The following UBXN2B variants were observed in gnomAD, a reference collection of about 807,000 sequenced individuals.
UBXN2B encodes UBX domain-containing protein 2B.
UBXN2B carries 19 observed loss-of-function variants against 37.5 expected under a neutral mutation model. The observed-to-expected ratio is 0.51, with a 90% CI of 0.35 to 0.74. UBXN2B has a LOEUF of 0.74. Among genes scored for constraint, UBXN2B ranks in the 30% least tolerant of loss-of-function variants. UBXN2B has a pLI of 0.01. For synonymous variants in UBXN2B, 145 were observed against 143.8 expected, an observed-to-expected ratio of 1.01 and a Z score of -0.06; for missense variants, 370 against 393.2, an observed-to-expected ratio of 0.94 and a Z score of 0.50.
rs1808708573 is a variant in UBXN2B at position 58,447,479 on chromosome 8, G to A, written c.924G>A (p.Glu308=). 2.5e-6 allele frequency: 4 copies of A among 1,613,420 alleles called. No homozygotes were observed. The highest frequency in any genetic ancestry group is 3.4e-6 in the Non-Finnish European group (4 of 1,179,642). Residue 308 remains glutamate (E), a synonymous_variant, in exon 8 of 8, where the codon GAG becomes GAA. Coordinates refer to ENST00000399598, the MANE Select transcript of UBXN2B (RefSeq NM_001077619.2). The part of the protein sequence containing the change: ...FILVTSFPNK[E]LTDESLTLLE... ...TTGTGACTTCATTTCCGAATAAAGAGCTAACAGATGAAAGCCTGACACTGC... is the reference window on the plus strand; with the variant it reads ...TTGTGACTTCATTTCCGAATAAAGAACTAACAGATGAAAGCCTGACACTGC...
At chr8:58,421,883 A>G (rs578143669) in intron 2 of UBXN2B, among the ~76,000 whole-genome samples, 1 of 152,236 alleles carries the variant, frequency 6.6e-6, no homozygotes, top group Admixed American at 6.5e-5. Flanking sequence ...TGAAATCAAT[A>G]TAACAAACAA....
At chr8:58,435,141 A>G (rs745374630) in intron 5 of UBXN2B, 276 of 1,380,344 alleles carry the variant, frequency 2.0e-4, no homozygotes, top group Non-Finnish European at 2.5e-4. Context: ...TAGATATGCA[A>G]CTAAAGACAT....
intron 4 of UBXN2B, 90 bp downstream of exon 4, chr8:58,433,333 A>C: frequency 9.2e-7 from 1 of 1,091,176 alleles, no homozygotes; most frequent in Non-Finnish European, 1.3e-6. Context: ...GATAATACAA[A>C]TATATTTTTG....
chr8:58,434,586 C>T (rs1287269788), intron 5 of UBXN2B, 82 bp downstream of exon 5: 66 of 1,079,204 alleles, frequency 6.1e-5, no homozygotes, highest in South Asian at 9.8e-5. Context: ...TAGTGCACTA[C>T]GGGTTTTCAA....
At chr8:58,415,844 G>C (rs1807763932) in intron 1 of UBXN2B, among the ~76,000 whole-genome samples, 1 of 151,974 alleles carries the variant, frequency 6.6e-6, no homozygotes. Context: ...GAATGTGGGA[G>C]GGTAGGGGTA....
chr8:58,429,251 G>C (rs941116963), intron 2 of UBXN2B, among the ~76,000 whole-genome samples: 6 of 152,086 alleles, frequency 3.9e-5, no homozygotes, highest in African/African-American at 1.2e-4. Context: ...GGAGTGTTAC[G>C]GCAGCAGACA....
At chr8:58,436,517 T>TCA in intron 5 of UBXN2B, among the ~76,000 whole-genome samples, 1 of 152,274 alleles carries the variant, frequency 6.6e-6, no homozygotes, top group Middle Eastern at 3.4e-3. Flanking sequence ...TGCTCACAGA[T>TCA]CACACCATGA....
intron 7 of UBXN2B, among the ~76,000 whole-genome samples, chr8:58,446,911 C>T (rs1808691517): frequency 6.9e-6 from 1 of 145,656 alleles, no homozygotes; most frequent in Non-Finnish European, 1.5e-5. Context: ...AATTCTCATG[C>T]TCAGCCTCTT....
At chr8:58,439,602 AATG>A in intron 5 of UBXN2B, 28 bp from the exon 6 acceptor site, 1 of 1,586,968 alleles carries the variant, frequency 6.3e-7, no homozygotes, top group Non-Finnish European at 8.5e-7. Context: ...TGGAAAACTT[AATG>A]ATAACTTTTT....
At chr8:58,424,796 G>A (rs1373652552) in intron 2 of UBXN2B, 1 of 1,447,412 alleles carries the variant, frequency 6.9e-7, no homozygotes, top group African/African-American at 1.4e-5. Flanking sequence ...ATCCTGCGCT[G>A]TAGTGTTTCA....
At chr8:58,442,736 CAG>C (rs748709215) in intron 6 of UBXN2B, among the ~76,000 whole-genome samples, 3 of 152,150 alleles carry the variant, frequency 2.0e-5, no homozygotes, top group Non-Finnish European at 2.9e-5. Context: ...AACAAAATCA[CAG>C]AGTCATTTTT....
chr8:58,411,376 C>A lies in UBXN2B; in HGVS notation c.-10C>A. 7.9e-7 allele frequency: 1 copy of A among 1,269,970 alleles called. No homozygotes were observed. The highest frequency in any genetic ancestry group is 1.0e-6 in the Non-Finnish European group (1 of 1,004,476). 78.7% of individuals were successfully genotyped at this position (1,269,970 alleles called of 1,614,324 possible). A position where few individuals can be genotyped will look rare whatever the true frequency, so the allele number is the denominator to read the frequency against. On this transcript the variant is annotated 5_prime_UTR_variant, in exon 1 of 8. Coordinates refer to ENST00000399598, the MANE Select transcript of UBXN2B (RefSeq NM_001077619.2). Reference sequence around the variant, plus strand: ...GTGCGTCCGCAGCGGGCGCCGCTAGCCAGCGGAAGATGGCGGAGGGCGGAG... The same window carrying A: ...GTGCGTCCGCAGCGGGCGCCGCTAGACAGCGGAAGATGGCGGAGGGCGGAG...
chr8:58,444,507 C>T (rs1808623263), intron 6 of UBXN2B, among the ~76,000 whole-genome samples: 1 of 152,140 alleles, frequency 6.6e-6, no homozygotes, highest in Admixed American at 6.6e-5. Flanking sequence ...TGAAATAATG[C>T]ATGTGGCAGA....
In UBXN2B at chr8:58,421,617, C is replaced by G. The variant is rs1003584982; in HGVS notation, c.188+4664C>G. ...TCATTACTGGCCCTGGGCTCTCTCA[C>G]TTCCTCAGCAACCACCTCTTTGGAA... On this transcript the variant is annotated intron_variant, in intron 2 of 7. Transcript: ENST00000399598. Among the ~76,000 whole-genome samples the G allele has an allele frequency of 2.0e-5, 3 of 152,332 alleles. No homozygotes were observed. In the South Asian group the frequency reaches 6.2e-4, roughly 32 times the overall value.
intron 6 of UBXN2B, among the ~76,000 whole-genome samples, chr8:58,444,476 T>C (rs1808622661): frequency 6.6e-6 from 1 of 152,202 alleles, no homozygotes; most frequent in African/African-American, 2.4e-5. Flanking sequence ...CTGTTAACAC[T>C]GCTTCCCAGG....
At chr8:58,422,900 C>G (rs1807964617) in intron 2 of UBXN2B, among the ~76,000 whole-genome samples, 3 of 152,238 alleles carry the variant, frequency 2.0e-5, no homozygotes. Context: ...AGGTCACTAG[C>G]AACTTCTGCT....
chr8:58,416,914 A>G lies in UBXN2B; in HGVS notation c.149A>G (p.Lys50Arg). 6.2e-7 allele frequency: 1 copy of G among 1,612,618 alleles called. No individual in the cohort carries two copies. The highest frequency in any genetic ancestry group is 2.2e-5 in the East Asian group (1 of 44,812). The change falls in exon 2 of 8, where the codon AAA becomes AGA. Residue 50 changes from lysine to arginine, a missense_variant. Lys to Arg is a conservative substitution (Grantham distance 26). This residue lies in a region of UBXN2B where 197 missense variants were observed against 170.2 expected (regional missense o/e 1.16). Transcript: ENST00000399598. ...AAATCTTCCAAGTCTAATAGACCTA[A>G]AGCCACAGTCTTCAAGAGCCCACGG... The part of the protein sequence containing the change: ...KCKSSKSNRP[K>R]ATVFKSPRTP...
chr8:58,433,047 G>A (rs769704444), intron 3 of UBXN2B, 113 bp from the exon 4 acceptor site: 5 of 782,096 alleles, frequency 6.4e-6, no homozygotes, highest in African/African-American at 1.8e-5. Context: ...AGGCTCCCCA[G>A]TATGAGCCAC....
intron 3 of UBXN2B, among the ~76,000 whole-genome samples, chr8:58,431,648 T>C (rs569025588): frequency 6.6e-6 from 1 of 152,214 alleles, no homozygotes; most frequent in Non-Finnish European, 1.5e-5. Flanking sequence ...CCAAACTATT[T>C]TCCAGAGTGG....
Sources: allele counts gnomAD v4.1 joint callset (sites outside exome capture counted in the v4.1 genomes callset), GRCh38; gene constraint gnomAD v4.1.1; regional missense constraint gnomAD v4.1.1; transcripts MANE v1.5; gene names NCBI Gene and HGNC (gene_info 2026-07-23, HGNC 2026-07-21).